The following TRDN variants were observed in gnomAD, a reference collection of about 807,000 sequenced individuals.
TRDN encodes the protein triadin, also known as triadin in skeletal muscle.
In TRDN, 161 loss-of-function variants were observed where a neutral mutation model predicts 149.7. The observed-to-expected ratio is 1.08, with a 90% CI of 0.95 to 1.23. TRDN has a LOEUF of 1.23. TRDN is among the 50% of genes most tolerant of loss of function. The pLI, the probability that TRDN is intolerant of heterozygous loss-of-function variation, is 0.00. For synonymous variants in TRDN, 294 were observed against 250.5 expected, an observed-to-expected ratio of 1.17 and a Z score of -1.64; for missense variants, 896 against 823.5, an observed-to-expected ratio of 1.09 and a Z score of -1.08.
intron 24 of TRDN, among the ~76,000 whole-genome samples, chr6:123,311,741 A>T (rs1778830606): frequency 6.6e-6 from 1 of 152,010 alleles, no homozygotes; most frequent in Admixed American, 6.6e-5. Context: ...GTATTATTGA[A>T]GATGTCATCT....
In TRDN at chr6:123,439,013, A is replaced by G. The variant is rs1336069057; in HGVS notation, c.932-10T>C. 1.3e-6 allele frequency: 2 copies of G among 1,541,782 alleles called. No homozygotes were observed. Among genetic ancestry groups the G allele is most frequent in the Non-Finnish European group, 8.8e-7 (1 of 1,141,470 alleles). ...TTTTCCCCTTCTTTTTCTAGAGAAT[A>G]CATTTAAAATATTTCCTTTAGGGAA... On this transcript the variant is annotated splice_polypyrimidine_tract_variant and intron_variant, in intron 10 of 40. Coordinates refer to ENST00000334268, the MANE Select transcript of TRDN (RefSeq NM_006073.4).
rs144787826 is a variant in TRDN, at chr6:123,261,846, A to G, written c.1805-1208T>C. On this transcript the variant is annotated intron_variant, in intron 33 of 40. Coordinates refer to ENST00000334268, the MANE Select transcript of TRDN (RefSeq NM_006073.4). The stretch of plus-strand genomic sequence containing the variant: ...GTGTTCATATTAGTAGCAGTATTAC[A>G]AACTATACTAGAGAATATCTCCAGC... Among the ~76,000 whole-genome samples, 87 of 152,060 alleles carry G rather than the reference A, an allele frequency of 5.7e-4. No homozygotes were observed. The East Asian group carries it at 0.016, about 28-fold the overall frequency.
intron 9 of TRDN, among the ~76,000 whole-genome samples, chr6:123,495,287 G>A (rs910077494): frequency 6.6e-6 from 1 of 151,820 alleles, no homozygotes; most frequent in East Asian, 2.0e-4. Flanking sequence ...GGGAGGCCGA[G>A]TCGGGCAGAT....
intron 1 of TRDN, among the ~76,000 whole-genome samples, chr6:123,591,708 G>A (rs1783792688): frequency 6.6e-6 from 1 of 152,110 alleles, no homozygotes; most frequent in African/African-American, 2.4e-5. Flanking sequence ...TTTCCTATGT[G>A]TTTTGTTTTT....
intron 20 of TRDN, among the ~76,000 whole-genome samples, chr6:123,356,307 T>C (rs540357168): frequency 6.6e-6 from 1 of 151,578 alleles, no homozygotes; most frequent in African/African-American, 2.4e-5. Flanking sequence ...TGATGAATTA[T>C]ATCAAATGTA....
chr6:123,375,491 A>C, intron 19 of TRDN, 114 bp downstream of exon 19: 1 of 811,484 alleles, frequency 1.2e-6, no homozygotes, highest in Non-Finnish European at 1.9e-6. Flanking sequence ...AAATAATCAT[A>C]CCAAAAAGCT....
intron 21 of TRDN, chr6:123,350,008 GA>G: frequency 1.1e-5 from 11 of 985,274 alleles, no homozygotes; most frequent in Non-Finnish European, 1.3e-5. Context: ...GCCCATTTAT[GA>G]ATTTTGAAAC....
intron 36 of TRDN, 87 bp from the exon 37 acceptor site, chr6:123,255,212 A>G: frequency 1.8e-6 from 1 of 567,750 alleles, no homozygotes; most frequent in East Asian, 3.4e-5. Context: ...GAATGAGGAT[A>G]ATTTAAGTGT....
intron 1 of TRDN, among the ~76,000 whole-genome samples, chr6:123,582,693 T>A (rs1182331670): frequency 1.3e-5 from 2 of 152,130 alleles, no homozygotes; most frequent in Admixed American, 1.3e-4. Context: ...TACGTGCAGG[T>A]CACGGGATAT....
At chr6:123,225,096 T>C (rs1056669365) in intron 38 of TRDN, among the ~76,000 whole-genome samples, 9 of 45,352 alleles carry the variant, frequency 2.0e-4, no homozygotes, top group Non-Finnish European at 3.9e-4. Context: ...CAGACACTTT[T>C]CCAAAGACAT....
intron 23 of TRDN, among the ~76,000 whole-genome samples, chr6:123,331,624 C>T (rs1018173021): frequency 2.0e-5 from 3 of 151,990 alleles, no homozygotes; most frequent in Non-Finnish European, 4.4e-5. Context: ...TCACTACAGA[C>T]CCATGGAATC....
At chr6:123,218,781 C>G in intron 40 of TRDN, 41 bp from the exon 41 acceptor site, 1 of 1,540,994 alleles carries the variant, frequency 6.5e-7, no homozygotes, top group Non-Finnish European at 8.8e-7. Context: ...ACATGCAGAA[C>G]ATGAGCAAAA....
In TRDN at chr6:123,465,603, A is replaced by G. The variant is rs111309379; in HGVS notation, c.854-620T>C. Among the ~76,000 whole-genome samples the G allele has an allele frequency of 8.3e-3, 1,097 of 131,494 alleles. 5 individuals are homozygous for G. The highest frequency in any genetic ancestry group is 0.012 in the Non-Finnish European group (773 of 63,638). 86.3% of individuals were successfully genotyped at this position (131,494 alleles called of 152,430 possible). A position where few individuals can be genotyped will look rare whatever the true frequency, so the allele number is the denominator to read the frequency against. ...ACTGCAAAAAAAAAAAAAAAAAAAA[A>G]AGAGAGAGAGAGAGAAAGAAAGAAA... On this transcript the variant is annotated intron_variant, in intron 9 of 40. Coordinates refer to ENST00000334268, the MANE Select transcript of TRDN (RefSeq NM_006073.4).
intron 19 of TRDN, among the ~76,000 whole-genome samples, chr6:123,370,319 ATAAAT>A (rs980534147): frequency 1.3e-5 from 2 of 152,024 alleles, no homozygotes; most frequent in Admixed American, 1.3e-4. Flanking sequence ...ATAATTTTAT[ATAAAT>A]TAAATTACAT....
intron 1 of TRDN, among the ~76,000 whole-genome samples, chr6:123,604,758 TATG>T (rs1784446628): frequency 6.6e-6 from 1 of 152,044 alleles, no homozygotes; most frequent in African/African-American, 2.4e-5. Context: ...GGGGTAATGA[TATG>T]ATAAATCGAG....
chr6:123,291,514 G>A (rs1257538175), intron 24 of TRDN, among the ~76,000 whole-genome samples: 4 of 151,460 alleles, frequency 2.6e-5, no homozygotes, highest in African/African-American at 9.7e-5. Context: ...GCAGTGAGCC[G>A]AGATCACACC....
chr6:123,300,905 T>C (rs1778373901), intron 24 of TRDN, among the ~76,000 whole-genome samples: 1 of 149,510 alleles, frequency 6.7e-6, no homozygotes, highest in South Asian at 2.1e-4. Context: ...AGTTTCCCCT[T>C]TTAACGAATT....
At chr6:123,386,966 G>A (rs989790060) in intron 14 of TRDN, among the ~76,000 whole-genome samples, 3 of 152,056 alleles carry the variant, frequency 2.0e-5, no homozygotes, top group Non-Finnish European at 4.4e-5. Context: ...CTTGATGTAC[G>A]CTTAATAGGC....
chr6:123,515,679 G>A (rs1433500067), intron 6 of TRDN, among the ~76,000 whole-genome samples: 1 of 152,026 alleles, frequency 6.6e-6, no homozygotes, highest in Non-Finnish European at 1.5e-5. Context: ...TAGGCTGGGA[G>A]CAAGGTGAGA....
Sources: gnomAD v4.1 joint callset for allele counts (sites outside exome capture counted in the v4.1 genomes callset) on GRCh38, gnomAD v4.1.1 for gene constraint, MANE v1.5 for transcripts, NCBI Gene and HGNC (gene_info 2026-07-23, HGNC 2026-07-21) for gene names.